The following ZNF142 variants were observed in gnomAD, a reference collection of about 807,000 sequenced individuals.
ZNF142 encodes zinc finger protein 142.
In ZNF142, 96 loss-of-function variants were observed where a neutral mutation model predicts 132.1. The ratio of observed to expected loss-of-function variants is 0.73; its 90% CI spans 0.62 to 0.86. ZNF142 has a LOEUF of 0.86. Among genes scored for constraint, ZNF142 ranks in the 40% least tolerant of loss-of-function variants. The pLI, the probability that ZNF142 is intolerant of heterozygous loss-of-function variation, is 0.00. For missense variants in ZNF142, 2,163 were observed against 2,336.2 expected (o/e 0.93, Z 1.53); for synonymous variants, 842 against 890.1 (o/e 0.95, Z 0.96).
chr2:218,654,854 G>A (rs1387081322), intron 4 of ZNF142, among the ~76,000 whole-genome samples: 2 of 152,236 alleles, frequency 1.3e-5, no homozygotes, highest in South Asian at 2.1e-4. Flanking sequence ...GGAGGCCGAG[G>A]TGGGAAGATT....
intron 10 of ZNF142, 136 bp downstream of exon 10, chr2:218,640,528 C>CA: frequency 1.3e-6 from 1 of 744,016 alleles, no homozygotes; most frequent in Non-Finnish European, 2.3e-6. Context: ...CTGGCACATA[C>CA]AACCCCACCC....
chr2:218,651,532 C>T (rs1937994748), intron 5 of ZNF142, among the ~76,000 whole-genome samples, 169 bp downstream of exon 5: 1 of 152,268 alleles, frequency 6.6e-6, no homozygotes, highest in African/African-American at 2.4e-5. Context: ...TATATTCCAA[C>T]TGTTTCAAGA....
intron 3 of ZNF142, 80 bp from the exon 4 acceptor site, chr2:218,656,543 G>C (rs1938523430): frequency 1.9e-6 from 2 of 1,060,050 alleles, no homozygotes; most frequent in South Asian, 6.4e-5. Context: ...ACACAGCCCA[G>C]TGCCCACCCA....
rs998240247 is a variant in ZNF142, at chr2:218,659,571, T to G, written c.-564A>C. On this transcript the variant is annotated 5_prime_UTR_variant, in exon 1 of 11. Transcript: ENST00000411696. This position sits in a 1 kb window ranked among gnomAD's most constrained non-coding sequence, Gnocchi z 4.4. ...GGTTTTTCCCGCCCTCCACCCCCACTCCAGCCCTGAAGCCGGAGAAGCACC... is the reference window on the plus strand; with the variant it reads ...GGTTTTTCCCGCCCTCCACCCCCACGCCAGCCCTGAAGCCGGAGAAGCACC... The G allele has an allele frequency of 6.6e-6, 1 of 152,096 alleles. No individual in the cohort carries two copies. Among genetic ancestry groups the G allele is most frequent in the Non-Finnish European group, 1.5e-5 (1 of 68,080 alleles). The allele number at this position is 152,096 out of a possible 1,614,324, so 9.4% of individuals were successfully genotyped here. A position where few individuals can be genotyped will look rare whatever the true frequency, so the allele number is the denominator to read the frequency against.
intron 4 of ZNF142, among the ~76,000 whole-genome samples, chr2:218,654,689 T>G (rs186352091): frequency 5.1e-4 from 78 of 152,256 alleles, no homozygotes; most frequent in Non-Finnish European, 2.4e-4. Context: ...TAACTGGAAT[T>G]TATTTCTTTG....
Position 218,652,138 on chromosome 2 carries a change from G to T in ZNF142, c.443C>A (p.Pro148Gln), listed in dbSNP as rs1472859888. ...GCCCTGCAGAGGGCCAGGGAGGGTTGGGTTGCTGGGAGGCAGCTCTACAGA... is the reference window on the plus strand; with the variant it reads ...GCCCTGCAGAGGGCCAGGGAGGGTTTGGTTGCTGGGAGGCAGCTCTACAGA... ...PCSVELPPSNPTLPGPLQGQS... is the reference protein window; with the variant it reads ...PCSVELPPSNQTLPGPLQGQS... Residue 148 changes from proline (P) to glutamine (Q), a missense_variant, in exon 5 of 11, where the codon CCA (proline) becomes CAA (glutamine). Transcript: ENST00000411696. The T allele has an allele frequency of 2.2e-6, 1 of 449,358 alleles. No homozygotes were observed. Among genetic ancestry groups the T allele is most frequent in the East Asian group, 7.0e-5 (1 of 14,266 alleles). The allele number at this position is 449,358 out of a possible 1,614,324, so 27.8% of individuals were successfully genotyped here.
chr2:218,639,194 C>T (rs1696968533), intron 10 of ZNF142, among the ~76,000 whole-genome samples: 1 of 152,242 alleles, frequency 6.6e-6, no homozygotes, highest in African/African-American at 2.4e-5. Flanking sequence ...TGGTCTTGAA[C>T]TCTGGACCTC....
intron 5 of ZNF142, 133 bp from the exon 6 acceptor site, chr2:218,650,659 T>C: frequency 1.2e-6 from 1 of 866,902 alleles, no homozygotes; most frequent in South Asian, 2.2e-5. Flanking sequence ...GTTTTATGTA[T>C]AAATGTATTT....
intron 4 of ZNF142, among the ~76,000 whole-genome samples, chr2:218,655,061 C>A (rs982954986): frequency 6.6e-6 from 1 of 152,168 alleles, no homozygotes; most frequent in African/African-American, 2.4e-5. Context: ...TGCACTCTAG[C>A]CTGGGTGGCA....
chr2:218,640,212 C>T (rs1303792597), intron 10 of ZNF142, among the ~76,000 whole-genome samples: 3 of 151,896 alleles, frequency 2.0e-5, no homozygotes, highest in South Asian at 2.1e-4. Context: ...CACAGGCACA[C>T]GATTGTGTGC....
chr2:218,646,491 A>G, intron 7 of ZNF142, 143 bp from the exon 8 acceptor site: 1 of 905,570 alleles, frequency 1.1e-6, no homozygotes, highest in Middle Eastern at 3.0e-4. Context: ...AAAACCTCAC[A>G]ATAATAAAGG....
Position 218,643,368 on chromosome 2 carries a change from T to C in ZNF142, c.3748A>G (p.Arg1250Gly). ...SITSHVAEGC[R>G]GGRGGGGKRG... ...TTTCCTCCCCCGCCACGTCCCCCCC[T>C]GCAGCCTTCAGCCACGTGAGAGGTA... The change falls in exon 9 of 11, where the codon AGG becomes GGG. Residue 1250 changes from arginine to glycine, a missense_variant. Transcript: ENST00000411696. 6.2e-7 allele frequency: 1 copy of C among 1,614,146 alleles called. No individual in the cohort carries two copies. Among genetic ancestry groups the C allele is most frequent in the Non-Finnish European group, 8.5e-7 (1 of 1,180,024 alleles).
chr2:218,638,919 T>C lies in ZNF142; in HGVS notation c.5195-111A>G, dbSNP rs1483543166. 6.1e-6 allele frequency: 5 copies of C among 824,320 alleles called. No individual in the cohort carries two copies. In the East Asian group the frequency reaches 1.1e-4, roughly 18 times the overall value. The allele number at this position is 824,320 out of a possible 1,614,324, so 51.1% of individuals were successfully genotyped here. ...AGAATGCAAGCAGCAAGTTGACTAATGACCATCTCTTTGGAATGCTCCAGT... is the reference window on the plus strand; with the variant it reads ...AGAATGCAAGCAGCAAGTTGACTAACGACCATCTCTTTGGAATGCTCCAGT... On this transcript the variant is annotated intron_variant, in intron 10 of 10. Transcript: ENST00000411696.
chr2:218,657,851 A>G (rs1938686798), intron 3 of ZNF142, among the ~76,000 whole-genome samples: 1 of 152,198 alleles, frequency 6.6e-6, no homozygotes, highest in African/African-American at 2.4e-5. Context: ...CCCTAGATGT[A>G]TAGCTTTTTT....
rs1696861268 is a variant in ZNF142 at position 218,638,159 on chromosome 2, CCT to C, written c.*178_*179del. 3 of 489,466 alleles carry C rather than the reference CCT, an allele frequency of 6.1e-6. No homozygotes were observed. Among genetic ancestry groups the C allele is most frequent in the Middle Eastern group, 5.4e-4 (1 of 1,866 alleles). The allele number at this position is 489,466 out of a possible 1,614,324, so 30.3% of individuals were successfully genotyped here. The stretch of plus-strand genomic sequence containing the variant: ...AGAAATCAACGTTATAGTCCATGTC[CCT>C]CTTTTATATGGGTGATAATTTCAAA... On this transcript the variant is annotated 3_prime_UTR_variant, in exon 11 of 11. Coordinates refer to ENST00000411696, the MANE Select transcript of ZNF142 (RefSeq NM_001379659.1).
At chr2:218,641,391 C>G (rs1274144320) in intron 9 of ZNF142, among the ~76,000 whole-genome samples, 1 of 151,850 alleles carries the variant, frequency 6.6e-6, no homozygotes, top group Admixed American at 6.6e-5. Flanking sequence ...ACTACAGGTG[C>G]CCGCCACCAC....
chr2:218,648,529 C>T, intron 7 of ZNF142, 106 bp downstream of exon 7: 1 of 1,093,156 alleles, frequency 9.1e-7, no homozygotes, highest in Non-Finnish European at 1.3e-6. Context: ...CTAGATCTAT[C>T]TCTAGGAATT....
chr2:218,649,340 T>C lies in ZNF142; in HGVS notation c.1168A>G (p.Ser390Gly). 1 of 1,614,230 alleles carries C rather than the reference T, an allele frequency of 6.2e-7. No homozygotes were observed. The highest frequency in any genetic ancestry group is 8.5e-7 in the Non-Finnish European group (1 of 1,180,038). ...EHLHLHFPDP[S>G]LQCPNCQKFF... ...TTCTGGCAGTTAGGGCACTGGAGGC[T>C]GGGGTCTGGGAAGTGGAGATGCAGG... Residue 390 changes from serine to glycine, a missense_variant, in exon 7 of 11, where the codon AGC (serine) becomes GGC (glycine). Around this residue, in one of 7 missense-constraint regions of ZNF142, gnomAD observed 749 missense variants for 830.3 expected, o/e 0.90. Coordinates refer to ENST00000411696, the MANE Select transcript of ZNF142 (RefSeq NM_001379659.1).
chr2:218,652,140 G>A lies in ZNF142; in HGVS notation c.441C>T (p.Asn147=), dbSNP rs527561674. The A allele has an allele frequency of 2.1e-4, 93 of 449,552 alleles. 1 individual carries two copies. Among genetic ancestry groups the A allele is most frequent in the African/African-American group, 1.7e-3 (87 of 50,006 alleles). 27.8% of individuals were successfully genotyped at this position (449,552 alleles called of 1,614,324 possible). The change falls in exon 5 of 11, where the codon AAC becomes AAT. Residue 147 remains asparagine, a synonymous_variant. Coordinates refer to ENST00000411696, the MANE Select transcript of ZNF142 (RefSeq NM_001379659.1). ...PPCSVELPPS[N]PTLPGPLQGQ... is the part of the protein sequence containing the mutation. Reference sequence around the variant, plus strand: ...CCTGCAGAGGGCCAGGGAGGGTTGGGTTGCTGGGAGGCAGCTCTACAGAGC... The same window carrying A: ...CCTGCAGAGGGCCAGGGAGGGTTGGATTGCTGGGAGGCAGCTCTACAGAGC...
Sources: allele counts gnomAD v4.1 joint callset (sites outside exome capture counted in the v4.1 genomes callset), GRCh38; gene constraint gnomAD v4.1.1; regional missense constraint gnomAD v4.1.1; non-coding constraint Gnocchi (gnomAD v3.1); transcripts MANE v1.5; gene names NCBI Gene and HGNC (gene_info 2026-07-23, HGNC 2026-07-21).